Variants in QTRT2 observed in about 807,000 individuals in gnomAD.
QTRT2 encodes queuine tRNA-ribosyltransferase domain containing 1.
In QTRT2, 32 loss-of-function variants were observed where a neutral mutation model predicts 44.8. The ratio of observed to expected loss-of-function variants is 0.71; its 90% CI spans 0.54 to 0.96. The LOEUF is 0.96. Among genes scored for constraint, QTRT2 ranks in the 40% least tolerant of loss-of-function variants. The pLI is 0.00. For synonymous variants in QTRT2, 182 were observed against 187.4 expected (o/e 0.97, Z 0.24); for missense variants, 461 against 503.1 (o/e 0.92, Z 0.80).
intron 4 of QTRT2, among the ~76,000 whole-genome samples, chr3:114,067,025 C>G (rs2076962905): frequency 6.6e-6 from 1 of 152,326 alleles, no homozygotes; most frequent in East Asian, 1.9e-4. Context: ...ACACCGCTTT[C>G]TCCTAACGCT....
chr3:114,071,042 T>C (rs1231717628), intron 6 of QTRT2, among the ~76,000 whole-genome samples: 2 of 152,224 alleles, frequency 1.3e-5, no homozygotes, highest in Non-Finnish European at 2.9e-5. Context: ...CATCCCTTTC[T>C]ATATGTTGTC....
chr3:114,066,971 T>G (rs13087347), intron 4 of QTRT2, among the ~76,000 whole-genome samples: 36,362 of 152,186 alleles, frequency 0.24, 4,775 homozygotes, highest in Middle Eastern at 0.37. Flanking sequence ...TATTTATTTA[T>G]AGGAAAAGCT....
Position 114,070,852 on chromosome 3 carries a change from A to G in QTRT2, c.546+14A>G, listed in dbSNP as rs2077015830. On this transcript the variant is annotated intron_variant, in intron 6 of 9. Coordinates refer to ENST00000281273, the MANE Select transcript of QTRT2 (RefSeq NM_024638.4). ...GAAGAGTCAGAGGTAAGGCTGTGCC[A>G]CTAACCACTCCTTTCTCTTGACACT... 1 of 1,607,216 alleles carries G rather than the reference A, an allele frequency of 6.2e-7. No homozygotes were observed. Among genetic ancestry groups the G allele is most frequent in the African/African-American group, 1.3e-5 (1 of 74,934 alleles).
At chr3:114,068,582 G>A (rs2076984299) in intron 5 of QTRT2, among the ~76,000 whole-genome samples, 1 of 152,134 alleles carries the variant, frequency 6.6e-6, no homozygotes, top group South Asian at 2.1e-4. Flanking sequence ...TTATCCCTGA[G>A]GACAGCATTC....
chr3:114,062,594 A>G (rs1399105725), intron 2 of QTRT2, among the ~76,000 whole-genome samples: 1 of 152,192 alleles, frequency 6.6e-6, no homozygotes, highest in African/African-American at 2.4e-5. Flanking sequence ...TAATTATACA[A>G]TACTGGGATA....
At chr3:114,081,071 AG>A (rs1309011696) in intron 8 of QTRT2, among the ~76,000 whole-genome samples, 1 of 152,232 alleles carries the variant, frequency 6.6e-6, no homozygotes, top group African/African-American at 2.4e-5. Flanking sequence ...CCACCAGAAC[AG>A]AGGTAACTGT....
chr3:114,076,977 G>A, intron 7 of QTRT2, 35 bp downstream of exon 7: 1 of 1,593,752 alleles, frequency 6.3e-7, no homozygotes, highest in Middle Eastern at 1.8e-4. Flanking sequence ...CTGGCCTCAA[G>A]GGATGCAGGG....
chr3:114,085,618 T>C lies in QTRT2; in HGVS notation c.1017-55T>C, dbSNP rs866868478. 9.9e-6 allele frequency: 14 copies of C among 1,415,486 alleles called. No individual in the cohort carries two copies. In the Middle Eastern group the frequency reaches 5.3e-4, roughly 54 times the overall value. 87.7% of individuals were successfully genotyped at this position (1,415,486 alleles called of 1,614,324 possible). On this transcript the variant is annotated intron_variant, in intron 9 of 9. Coordinates refer to ENST00000281273, the MANE Select transcript of QTRT2 (RefSeq NM_024638.4). Reference sequence around the variant, plus strand: ...TACCAGCAGAATAGATAGCTGAGGTTGTGGATTTCTTGTATTCCGTACTTT... The same window carrying C: ...TACCAGCAGAATAGATAGCTGAGGTCGTGGATTTCTTGTATTCCGTACTTT...
intron 6 of QTRT2, among the ~76,000 whole-genome samples, chr3:114,071,845 C>A (rs17667362): frequency 0.037 from 5,704 of 152,266 alleles, 163 homozygotes; most frequent in Middle Eastern, 0.13. Flanking sequence ...AAAGCACAAA[C>A]AAGAGCTCCT....
At chr3:114,080,181 T>A (rs1400914525) in intron 8 of QTRT2, 124 bp downstream of exon 8, 1 of 728,886 alleles carries the variant, frequency 1.4e-6, no homozygotes, top group East Asian at 2.8e-5. Context: ...TACATCTCTG[T>A]TTCTTATCTG....
chr3:114,081,008 T>C (rs747477752), intron 8 of QTRT2, among the ~76,000 whole-genome samples: 5 of 152,200 alleles, frequency 3.3e-5, no homozygotes, highest in Non-Finnish European at 5.9e-5. Context: ...TGTGGATAGG[T>C]ATACCATTAA....
At chr3:114,079,762 G>T in intron 7 of QTRT2, 144 bp from the exon 8 acceptor site, 1 of 659,272 alleles carries the variant, frequency 1.5e-6, no homozygotes. Context: ...TCTGCTGCAT[G>T]TTGCTGTCCA....
At chr3:114,064,750 G>C (rs576306632) in intron 2 of QTRT2, among the ~76,000 whole-genome samples, 1 of 152,038 alleles carries the variant, frequency 6.6e-6, no homozygotes, top group African/African-American at 2.4e-5. Flanking sequence ...ATAAACACCA[G>C]GATGCTCTTT....
At chr3:114,077,650 G>A (rs148917263) in intron 7 of QTRT2, 6 of 151,846 alleles carry the variant, frequency 4.0e-5, no homozygotes, top group African/African-American at 1.5e-4. Flanking sequence ...GTTTGGTTGT[G>A]GGGTGCTGCT....
At chr3:114,073,448 C>T (rs779204636) in intron 6 of QTRT2, among the ~76,000 whole-genome samples, 5 of 152,110 alleles carry the variant, frequency 3.3e-5, no homozygotes, top group Non-Finnish European at 7.4e-5. Context: ...GGTGCGATCT[C>T]AGCTCACTGC....
chr3:114,070,411 A>G (rs1455505103), intron 5 of QTRT2, among the ~76,000 whole-genome samples: 1 of 152,140 alleles, frequency 6.6e-6, no homozygotes, highest in Non-Finnish European at 1.5e-5. Context: ...GAAAAGTATA[A>G]CAAAGAATTC....
chr3:114,076,679 G>A (rs762167551), intron 6 of QTRT2, 64 bp from the exon 7 acceptor site: 42 of 1,501,668 alleles, frequency 2.8e-5, no homozygotes, highest in Non-Finnish European at 3.8e-5. Context: ...TTCCATGTAA[G>A]GTTCATTTAA....
At chr3:114,070,882 C>T (rs1266629259) in intron 6 of QTRT2, 44 bp downstream of exon 6, 1 of 1,508,096 alleles carries the variant, frequency 6.6e-7, no homozygotes, top group South Asian at 1.1e-5. Context: ...GACACTCTTG[C>T]CTCCCTTACA....
In QTRT2 at chr3:114,070,643, T is replaced by A; in HGVS notation, c.351T>A (p.Ser117Arg). The A allele has an allele frequency of 6.2e-7, 1 of 1,614,062 alleles. No individual in the cohort carries two copies. The part of the protein sequence containing the change: ...YVTNKSVSVW[S>R]VAGRVEMTVS... ...CATGGCAGTCTGTGTCTGTGTGGAGTGTTGCAGGACGAGTGGAAATGACTG... is the reference window on the plus strand; with the variant it reads ...CATGGCAGTCTGTGTCTGTGTGGAGAGTTGCAGGACGAGTGGAAATGACTG... The change falls in exon 6 of 10, where the codon AGT becomes AGA. Residue 117 changes from serine (S) to arginine (R), a missense_variant. Coordinates refer to ENST00000281273, the MANE Select transcript of QTRT2 (RefSeq NM_024638.4).
Sources: allele counts gnomAD v4.1 joint callset (sites outside exome capture counted in the v4.1 genomes callset), GRCh38; gene constraint gnomAD v4.1.1; transcripts MANE v1.5; gene names NCBI Gene and HGNC (gene_info 2026-07-23, HGNC 2026-07-21).